TBC1D10A: variants seen among roughly 807,000 people sequenced by gnomAD.
TBC1D10A encodes EBP50-PDX interactor of 64 kDa.
TBC1D10A carries 24 observed loss-of-function variants against 52.9 expected under a neutral mutation model. That is an observed-to-expected ratio of 0.45 (90% CI 0.33 to 0.64). The LOEUF is 0.64. TBC1D10A is among the 30% of genes least tolerant of loss of function. The pLI, the probability that TBC1D10A is intolerant of heterozygous loss-of-function variation, is 0.02. For missense variants in TBC1D10A, 602 were observed against 687.9 expected, an observed-to-expected ratio of 0.88 and a Z score of 1.40; for synonymous variants, 278 against 282.9, an observed-to-expected ratio of 0.98 and a Z score of 0.17.
At chr22:30,294,563 C>A (rs1300747010) in intron 6 of TBC1D10A, among the ~76,000 whole-genome samples, 1 of 152,206 alleles carries the variant, frequency 6.6e-6, no homozygotes, top group African/African-American at 2.4e-5. Flanking sequence ...CCTGGAAGAA[C>A]TTCAATTCTG....
chr22:30,320,483 G>A (rs1395245006), intron 1 of TBC1D10A, among the ~76,000 whole-genome samples: 1 of 152,112 alleles, frequency 6.6e-6, no homozygotes, highest in Non-Finnish European at 1.5e-5. Flanking sequence ...AGTCACTACT[G>A]GATGCAGTGT....
chr22:30,298,265 C>G (rs1001409237), intron 3 of TBC1D10A: 1 of 152,246 alleles, frequency 6.6e-6, no homozygotes, highest in Admixed American at 6.5e-5. Flanking sequence ...TGCGGCCCCT[C>G]GAAATGGAAG....
At chr22:30,304,445 T>G (rs1388477371) in intron 2 of TBC1D10A, 86 bp downstream of exon 2, 3 of 1,587,464 alleles carry the variant, frequency 1.9e-6, no homozygotes, top group Non-Finnish European at 2.6e-6. Context: ...AGCCTCTGCT[T>G]TCCTAAGCTG....
chr22:30,294,815 C>T lies in TBC1D10A; in HGVS notation c.686G>A (p.Gly229Asp). The change falls in exon 6 of 9, where the codon GGC becomes GAC. Residue 229 changes from glycine to aspartate, a missense_variant. Coordinates refer to ENST00000215790, the MANE Select transcript of TBC1D10A (RefSeq NM_031937.3). ...ACTCACCAGTTTCTCGCTGTAGTAGCCGGGCAGGTACTTCTCACAGATCTG... is the reference window on the plus strand; with the variant it reads ...ACTCACCAGTTTCTCGCTGTAGTAGTCGGGCAGGTACTTCTCACAGATCTG... Reference protein sequence around the residue: ...LVQICEKYLPGYYSEKLEAIQ... With the variant: ...LVQICEKYLPDYYSEKLEAIQ... The T allele has an allele frequency of 6.2e-7, 1 of 1,614,132 alleles. No homozygotes were observed. The highest frequency in any genetic ancestry group is 8.5e-7 in the Non-Finnish European group (1 of 1,180,022).
chr22:30,312,090 G>A (rs996540804), intron 1 of TBC1D10A, among the ~76,000 whole-genome samples: 3 of 152,242 alleles, frequency 2.0e-5, no homozygotes, highest in South Asian at 2.1e-4. Flanking sequence ...ACTGAGTGCC[G>A]CCTGAGACTA....
intron 3 of TBC1D10A, 158 bp from the exon 4 acceptor site, chr22:30,296,001 G>A: frequency 3.0e-6 from 2 of 657,190 alleles, no homozygotes; most frequent in Non-Finnish European, 5.1e-6. Flanking sequence ...AGGAAGAGAA[G>A]CTCAGGTAAG....
rs532956772 is a variant in TBC1D10A at position 30,309,979 on chromosome 22, C to G, written c.210-5349G>C. On this transcript the variant is annotated intron_variant, in intron 1 of 8. Coordinates refer to ENST00000215790, the MANE Select transcript of TBC1D10A (RefSeq NM_031937.3). ...CCCGTCTAAACCCTCCTCCAAGCCT[C>G]ACTCCCTGAACCAGCCCAAACAAAG... Among the ~76,000 whole-genome samples, 61 of 152,308 alleles carry G rather than the reference C, an allele frequency of 4.0e-4. 1 individual carries two copies. Among genetic ancestry groups the G allele is most frequent in the African/African-American group, 1.4e-3 (60 of 41,566 alleles).
intron 1 of TBC1D10A, among the ~76,000 whole-genome samples, chr22:30,309,230 G>T (rs1209986155): frequency 6.6e-6 from 1 of 150,622 alleles, no homozygotes; most frequent in African/African-American, 2.4e-5. Flanking sequence ...GGTAAGCCTG[G>T]GTAATCTGCC....
intron 1 of TBC1D10A, among the ~76,000 whole-genome samples, chr22:30,310,628 G>A (rs1256743689): frequency 1.3e-5 from 2 of 152,150 alleles, no homozygotes; most frequent in Non-Finnish European, 2.9e-5. Flanking sequence ...GCAATTAAGA[G>A]CTGACACTTT....
chr22:30,313,232 C>G (rs1279884119), intron 1 of TBC1D10A, among the ~76,000 whole-genome samples: 1 of 152,178 alleles, frequency 6.6e-6, no homozygotes, highest in African/African-American at 2.4e-5. Flanking sequence ...AAGGGCTGTT[C>G]TGCAGAGGCA....
rs1184386439 is a variant in TBC1D10A at position 30,297,445 on chromosome 22, TC to T, written c.418-1603del. 1 of 152,216 alleles carries T rather than the reference TC, an allele frequency of 6.6e-6. No individual in the cohort carries two copies. The highest frequency in any genetic ancestry group is 1.5e-5 in the Non-Finnish European group (1 of 68,056). The allele number at this position is 152,216 out of a possible 1,614,324, so 9.4% of individuals were successfully genotyped here. ...GAAGTCAGTTCCTAGGATGTGTTCA[TC>T]TGGCACTTCAGCAGCCTAAGGCACT... On this transcript the variant is annotated intron_variant, in intron 3 of 8. Coordinates refer to ENST00000215790, the MANE Select transcript of TBC1D10A (RefSeq NM_031937.3). The surrounding 1 kb of genome is among the most constrained non-coding windows in gnomAD (Gnocchi z 4.3).
chr22:30,303,338 C>T (rs992902549), intron 2 of TBC1D10A, among the ~76,000 whole-genome samples: 13 of 149,746 alleles, frequency 8.7e-5, no homozygotes, highest in South Asian at 2.1e-4. Flanking sequence ...GACAGACAGA[C>T]AGATAGATAG....
At chr22:30,319,199 T>C (rs934164692) in intron 1 of TBC1D10A, among the ~76,000 whole-genome samples, 2 of 152,214 alleles carry the variant, frequency 1.3e-5, no homozygotes, top group African/African-American at 4.8e-5. Context: ...ATGCTACTAC[T>C]TTCTAGGCTC....
At chr22:30,303,851 C>A (rs530872910) in intron 2 of TBC1D10A, among the ~76,000 whole-genome samples, 1 of 152,334 alleles carries the variant, frequency 6.6e-6, no homozygotes, top group South Asian at 2.1e-4. Context: ...AATGTTCCCA[C>A]AGGGCAATAG....
chr22:30,304,391 G>T, intron 2 of TBC1D10A, 140 bp downstream of exon 2: 1 of 1,408,680 alleles, frequency 7.1e-7, no homozygotes, highest in Non-Finnish European at 9.6e-7. Context: ...CTTCTGTCCT[G>T]CACTGGCAGT....
In TBC1D10A at chr22:30,292,349, C is replaced by T. The variant is rs763624913; in HGVS notation, c.*26G>A. The T allele has an allele frequency of 2.4e-5, 36 of 1,513,442 alleles. No homozygotes were observed. Among genetic ancestry groups the T allele is most frequent in the Middle Eastern group, 1.8e-4 (1 of 5,614 alleles). 93.8% of individuals were successfully genotyped at this position (1,513,442 alleles called of 1,614,324 possible). A position where few individuals can be genotyped will look rare whatever the true frequency, so the allele number is the denominator to read the frequency against. The stretch of plus-strand genomic sequence containing the variant: ...GAACCGTGTAGTTATATGGAGACCC[C>T]GCCCTGGAGGCCTTAGCTGCCAGGG... On this transcript the variant is annotated 3_prime_UTR_variant, in exon 9 of 9. Transcript: ENST00000215790.
intron 1 of TBC1D10A, among the ~76,000 whole-genome samples, chr22:30,319,991 G>A (rs1472398911): frequency 6.6e-6 from 1 of 152,196 alleles, no homozygotes; most frequent in Non-Finnish European, 1.5e-5. Flanking sequence ...AGCTAGAGGA[G>A]CACTGGGTGA....
At chr22:30,321,090 T>C (rs887394277) in intron 1 of TBC1D10A, among the ~76,000 whole-genome samples, 2 of 151,624 alleles carry the variant, frequency 1.3e-5, no homozygotes, top group African/African-American at 4.8e-5. Context: ...CAGCTTAGAG[T>C]TTCCCAGCAG....
chr22:30,316,005 T>C (rs1930528797), intron 1 of TBC1D10A, among the ~76,000 whole-genome samples: 1 of 152,194 alleles, frequency 6.6e-6, no homozygotes, highest in Admixed American at 6.5e-5. Flanking sequence ...CATCACTTGC[T>C]CACCCTTGGT....
Sources: allele counts gnomAD v4.1 joint callset (sites outside exome capture counted in the v4.1 genomes callset), GRCh38; gene constraint gnomAD v4.1.1; non-coding constraint Gnocchi (gnomAD v3.1); transcripts MANE v1.5; gene names NCBI Gene and HGNC (gene_info 2026-07-23, HGNC 2026-07-21).